ARHGEF4: variants seen among roughly 807,000 people sequenced by gnomAD.
The protein encoded by ARHGEF4 is Rho guanine nucleotide exchange factor 4.
A neutral mutation model predicts 162.0 loss-of-function variants in ARHGEF4; 119 were observed. That is an observed-to-expected ratio of 0.73 (90% confidence interval 0.63 to 0.86). ARHGEF4 has a LOEUF of 0.86. Ranked by LOEUF, ARHGEF4 falls within the 40% of genes least tolerant of loss-of-function variation. The pLI, the probability that ARHGEF4 is intolerant of heterozygous loss-of-function variation, is 0.00. For missense variants in ARHGEF4, 2,488 were observed against 2,456.0 expected, an observed-to-expected ratio of 1.01 and a Z score of -0.28; for synonymous variants, 1,014 against 979.9, an observed-to-expected ratio of 1.03 and a Z score of -0.65.
chr2:130,841,168 A>G (rs1680577838), intron 1 of ARHGEF4, among the ~76,000 whole-genome samples: 1 of 152,094 alleles, frequency 6.6e-6, no homozygotes, highest in Non-Finnish European at 1.5e-5. Context: ...GAGTTCAAGC[A>G]GTTCTCCTAC....
chr2:130,951,131 T>C (rs550361932), intron 4 of ARHGEF4, among the ~76,000 whole-genome samples: 2 of 152,344 alleles, frequency 1.3e-5, no homozygotes, highest in African/African-American at 4.8e-5. Flanking sequence ...TGTGGCTGAT[T>C]TGATCTTCTA....
rs1690792343 is a variant in ARHGEF4, at chr2:131,041,255, A to G, written c.4688A>G (p.Glu1563Gly). ...EHQADFQIYS[E>G]YCNNHPNACV... ...CAAGCCGACTTCCAGATCTACTCGG[A>G]GTACTGCAATAACCACCCCAACGCC... Residue 1563 changes from glutamate to glycine, a missense_variant, in exon 9 of 14, where the codon GAG becomes GGG. Physicochemically the swap from Glu to Gly is moderately conservative, Grantham distance 98 (BLOSUM62 -2). Around this residue, in one of 6 missense-constraint regions of ARHGEF4, gnomAD observed 415 missense variants for 512.4 expected, o/e 0.81. Coordinates refer to ENST00000409359, the MANE Select transcript of ARHGEF4 (RefSeq NM_001367493.1). 3.7e-6 allele frequency: 6 copies of G among 1,613,810 alleles called. No homozygotes were observed. Among genetic ancestry groups the G allele is most frequent in the Non-Finnish European group, 5.1e-6 (6 of 1,180,004 alleles).
intron 1 of ARHGEF4, among the ~76,000 whole-genome samples, chr2:130,854,841 C>G (rs1217021188): frequency 7.2e-6 from 1 of 138,728 alleles, no homozygotes; most frequent in African/African-American, 2.6e-5. Flanking sequence ...CTGGAGGAGT[C>G]TGACTTTTAT....
At chr2:130,880,228 C>T (rs1397616267) in intron 1 of ARHGEF4, among the ~76,000 whole-genome samples, 2 of 152,184 alleles carry the variant, frequency 1.3e-5, no homozygotes, top group African/African-American at 4.8e-5. Flanking sequence ...TGCACGACCC[C>T]CTGCTGCCTC....
rs572682464 is a variant in ARHGEF4, at chr2:130,879,304, TCTTTA to T, written c.40-34676_40-34672del. Among the ~76,000 whole-genome samples, 37 of 152,372 alleles carry T rather than the reference TCTTTA, an allele frequency of 2.4e-4. 3 individuals are homozygous for T. Among genetic ancestry groups the T allele is most frequent in the Admixed American group, 1.2e-3 (19 of 15,306 alleles). ...ATGTCTCTTTTACAGGAGATTTTTT[TCTTTA>T]CTTTAAAAATTGACAGATAAAAATC... On this transcript the variant is annotated intron_variant, in intron 1 of 13. Transcript: ENST00000409359.
intron 4 of ARHGEF4, among the ~76,000 whole-genome samples, chr2:130,958,470 C>T (rs1293679941): frequency 6.6e-6 from 1 of 151,360 alleles, no homozygotes; most frequent in Non-Finnish European, 1.5e-5. Flanking sequence ...AGTGTAGTGG[C>T]ACAATCTCAG....
chr2:130,869,412 G>C (rs1389742742), intron 1 of ARHGEF4, among the ~76,000 whole-genome samples: 1 of 152,200 alleles, frequency 6.6e-6, no homozygotes, highest in African/African-American at 2.4e-5. Context: ...GCCTTCATCA[G>C]CTGGGTCACT....
At chr2:130,992,610 C>G (rs1015275420) in intron 4 of ARHGEF4, among the ~76,000 whole-genome samples, 1 of 152,008 alleles carries the variant, frequency 6.6e-6, no homozygotes. Context: ...ACTCCAGACG[C>G]GCCACCTTAA....
intron 10 of ARHGEF4, among the ~76,000 whole-genome samples, chr2:131,042,503 G>C (rs1219958044): frequency 1.3e-5 from 2 of 150,316 alleles, no homozygotes; most frequent in African/African-American, 4.9e-5. Flanking sequence ...TGTTCCCGAA[G>C]GCTCCCTACC....
intron 3 of ARHGEF4, among the ~76,000 whole-genome samples, chr2:130,933,116 G>A (rs998341402): frequency 6.6e-6 from 1 of 151,946 alleles, no homozygotes; most frequent in Non-Finnish European, 1.5e-5. Flanking sequence ...TCGGGAGGTT[G>A]AGGTGGGAGA....
rs374657163 is a variant in ARHGEF4, at chr2:131,037,591, C to T, written c.4126-1262C>T. ...GGTCCTAGCAGGGAGGGTCGTGGACCTCACCTCCTGTGCAGCCCCAGCCCA... is the reference window on the plus strand; with the variant it reads ...GGTCCTAGCAGGGAGGGTCGTGGACTTCACCTCCTGTGCAGCCCCAGCCCA... On this transcript the variant is annotated intron_variant, in intron 5 of 13. Transcript: ENST00000409359. Among the ~76,000 whole-genome samples the T allele has an allele frequency of 9.9e-5, 15 of 152,094 alleles. 1 individual carries two copies. The highest frequency in any genetic ancestry group is 3.4e-4 in the African/African-American group (14 of 41,486).
At chr2:130,922,102 G>C (rs1051998603) in intron 2 of ARHGEF4, among the ~76,000 whole-genome samples, 2 of 151,808 alleles carry the variant, frequency 1.3e-5, no homozygotes, top group South Asian at 4.2e-4. Flanking sequence ...GGGCGCAGTG[G>C]CTCAAGCCTG....
chr2:130,931,027 C>T lies in ARHGEF4; in HGVS notation c.3628C>T (p.Pro1210Ser). 1 of 1,614,070 alleles carries T rather than the reference C, an allele frequency of 6.2e-7. No individual in the cohort carries two copies. The highest frequency in any genetic ancestry group is 8.5e-7 in the Non-Finnish European group (1 of 1,179,956). ...SHSQKAFHME[P>S]AQKPCFTTDM... ...CAGTCAGAAGGCGTTCCACATGGAG[C>T]CTGCCCAGAAGCCCTGCTTCACCAC... Residue 1210 changes from proline (P) to serine (S), a missense_variant, in exon 3 of 14, where the codon CCT (proline) becomes TCT (serine). Physicochemically the swap from Pro to Ser is moderately conservative, Grantham distance 74. Around this residue, in one of 6 missense-constraint regions of ARHGEF4, gnomAD observed 1,642 missense variants for 1,481.5 expected, o/e 1.11. Coordinates refer to ENST00000409359, the MANE Select transcript of ARHGEF4 (RefSeq NM_001367493.1).
rs143689695 is a variant in ARHGEF4, at chr2:131,040,287, C to A, written c.4509C>A (p.Arg1503=). The change falls in exon 8 of 14, where the codon CGC becomes CGA. Residue 1503 remains arginine, a synonymous_variant. Coordinates refer to ENST00000409359, the MANE Select transcript of ARHGEF4 (RefSeq NM_001367493.1). ...GCTACGTCCGGCAGTGCCGCAAGCG[C>A]GCAGACATGTTCAGCGAGGAGCAGC... The part of the protein sequence containing the change: ...CEGYVRQCRK[R]ADMFSEEQLR... 1 of 1,612,996 alleles carries A rather than the reference C, an allele frequency of 6.2e-7. No individual in the cohort carries two copies. Among genetic ancestry groups the A allele is most frequent in the East Asian group, 2.2e-5 (1 of 44,856 alleles).
At chr2:130,898,575 A>G in intron 1 of ARHGEF4, among the ~76,000 whole-genome samples, 1 of 152,146 alleles carries the variant, frequency 6.6e-6, no homozygotes, top group African/African-American at 2.4e-5. Flanking sequence ...CAGCACTGCT[A>G]GGTTGCCCAG....
Position 130,915,900 on chromosome 2 carries a change from C to G in ARHGEF4, c.1954C>G (p.Pro652Ala). 1.3e-6 allele frequency: 2 copies of G among 1,550,306 alleles called. No homozygotes were observed. The highest frequency in any genetic ancestry group is 2.4e-5 in the East Asian group (1 of 40,910). The change falls in exon 2 of 14, where the codon CCA (proline) becomes GCA (alanine). Residue 652 changes from proline to alanine, a missense_variant. Physicochemically the swap from Pro to Ala is conservative, Grantham distance 27. Coordinates refer to ENST00000409359, the MANE Select transcript of ARHGEF4 (RefSeq NM_001367493.1). ...QASRSNAGPV[P>A]ETLPRDFPKE... is the part of the protein sequence containing the mutation. ...CAGCAGGAGCAATGCGGGGCCTGTT[C>G]CAGAAACACTGCCCCGTGACTTTCC...
At chr2:130,942,370 C>T (rs1203185783) in intron 3 of ARHGEF4, among the ~76,000 whole-genome samples, 3 of 151,786 alleles carry the variant, frequency 2.0e-5, no homozygotes, top group Non-Finnish European at 2.9e-5. Flanking sequence ...AGGATGGTCT[C>T]GATCTCCTGA....
At chr2:131,034,081 C>T (rs1175020072) in intron 5 of ARHGEF4, among the ~76,000 whole-genome samples, 1 of 152,136 alleles carries the variant, frequency 6.6e-6, no homozygotes, top group Non-Finnish European at 1.5e-5. Context: ...AAGGGGTGGC[C>T]AAGAGCTGGC....
At chr2:131,003,468 A>G (rs1396545573) in intron 4 of ARHGEF4, among the ~76,000 whole-genome samples, 4 of 152,224 alleles carry the variant, frequency 2.6e-5, no homozygotes, top group Non-Finnish European at 5.9e-5. Flanking sequence ...TGGCCAAGGC[A>G]GAGACCCTTA....
Sources: allele counts gnomAD v4.1 joint callset (sites outside exome capture counted in the v4.1 genomes callset), GRCh38; gene constraint gnomAD v4.1.1; regional missense constraint gnomAD v4.1.1; transcripts MANE v1.5; gene names NCBI Gene and HGNC (gene_info 2026-07-23, HGNC 2026-07-21).